NFATC2: variants seen among roughly 807,000 people sequenced by gnomAD.
The protein encoded by NFATC2 is nuclear factor of activated T-cells, cytoplasmic 2.
A neutral mutation model predicts 87.3 loss-of-function variants in NFATC2; 22 were observed. That is an observed-to-expected ratio of 0.25 (90% CI 0.18 to 0.36). NFATC2 has a LOEUF of 0.36. Among genes scored for constraint, NFATC2 ranks in the 10% least tolerant of loss-of-function variants. NFATC2 has a pLI of 1.00. For missense variants in NFATC2, 1,149 were observed against 1,259.1 expected (o/e 0.91, Z 1.32); for synonymous variants, 565 against 542.2 (o/e 1.04, Z -0.58).
At chr20:51,527,413 C>T (rs1178547426) in intron 1 of NFATC2, among the ~76,000 whole-genome samples, 1 of 152,158 alleles carries the variant, frequency 6.6e-6, no homozygotes, top group Non-Finnish European at 1.5e-5. Context: ...CTCACAGGCC[C>T]CTGCTGTGTT....
intron 10 of NFATC2, among the ~76,000 whole-genome samples, chr20:51,393,377 C>T (rs567999556): frequency 2.4e-4 from 37 of 152,224 alleles, no homozygotes; most frequent in Non-Finnish European, 4.4e-4. Flanking sequence ...CAGTGCCCAG[C>T]GTTCAGCCAG....
chr20:51,479,002 G>A (rs1194439460), intron 3 of NFATC2, among the ~76,000 whole-genome samples: 5 of 152,150 alleles, frequency 3.3e-5, no homozygotes, highest in African/African-American at 1.2e-4. Context: ...AGAACCAATC[G>A]TTAAACCTAT....
intron 1 of NFATC2, among the ~76,000 whole-genome samples, chr20:51,549,904 C>T (rs1353003119): frequency 2.0e-5 from 3 of 152,190 alleles, no homozygotes; most frequent in Non-Finnish European, 4.4e-5. Flanking sequence ...ATTCTGAATA[C>T]TTTTTGAACA....
chr20:51,538,410 A>G lies in NFATC2; in HGVS notation c.130+3960T>C, dbSNP rs79994747. The stretch of plus-strand genomic sequence containing the variant: ...TCGGGGGAAAAAAGAAAGAACTAAT[A>G]CTTCCTTTACATAATTCATACACCT... On this transcript the variant is annotated intron_variant, in intron 1 of 10. Transcript: ENST00000371564. Among the ~76,000 whole-genome samples the G allele has an allele frequency of 4.8e-3, 730 of 152,332 alleles. 5 individuals are homozygous for G. The highest frequency in any genetic ancestry group is 8.6e-3 in the Non-Finnish European group (585 of 68,024).
At position 51,523,412 on chromosome 20, in the gene NFATC2, G is replaced by T; in HGVS notation, c.829C>A (p.Pro277Thr). The T allele has an allele frequency of 6.2e-7, 1 of 1,608,942 alleles. No individual in the cohort carries two copies. The highest frequency in any genetic ancestry group is 8.5e-7 in the Non-Finnish European group (1 of 1,177,448). ...GGTGCCACGTGAGATGAGGGCTGCG[G>T]CGAGGGGCTCCGGGAGCGCTGGGGT... ...ASPQRSRSPS[P>T]QPSSHVAPQD... is the part of the protein sequence containing the mutation. The change falls in exon 2 of 11, where the codon CCG becomes ACG. Residue 277 changes from proline (P) to threonine (T), a missense_variant. Pro to Thr is a conservative substitution (Grantham distance 38). Coordinates refer to ENST00000371564, the MANE Select transcript of NFATC2 (RefSeq NM_012340.5). The surrounding 1 kb of genome is among the most constrained non-coding windows in gnomAD (Gnocchi z 6.9).
rs1449935830 is a variant in NFATC2, at chr20:51,562,555, G to A, written c.70+5C>T. The A allele has an allele frequency of 6.5e-7, 1 of 1,550,306 alleles. No homozygotes were observed. Among genetic ancestry groups the A allele is most frequent in the South Asian group, 1.2e-5 (1 of 83,890 alleles). ...AAAGGCTGGAAGGGATCGAGAGTCA[G>A]TTACCTTGGTCCACAGACCCCATGA... On this transcript the variant is annotated splice_donor_5th_base_variant and intron_variant, in intron 1 of 10. Coordinates refer to the NFATC2 transcript ENST00000414705. The surrounding 1 kb of genome is among the most constrained non-coding windows in gnomAD (Gnocchi z 5.8).
At chr20:51,482,145 G>A (rs981413788) in intron 3 of NFATC2, among the ~76,000 whole-genome samples, 1 of 150,752 alleles carries the variant, frequency 6.6e-6, no homozygotes, top group Admixed American at 6.6e-5. Context: ...TCTGGCCTAT[G>A]CATTTTAAGA....
At position 51,523,784 on chromosome 20, in the gene NFATC2, G is replaced by A. The variant is rs1190484494; in HGVS notation, c.457C>T (p.Leu153=). The change falls in exon 2 of 11, where the codon CTG becomes TTG. Residue 153 remains leucine, a synonymous_variant. Coordinates refer to ENST00000371564, the MANE Select transcript of NFATC2 (RefSeq NM_012340.5). This position sits in a 1 kb window ranked among gnomAD's most constrained non-coding sequence, Gnocchi z 6.9. ...TAGCCCTCGAAGCCGGGCACGGGCA[G>A]GGTGAACCTCGGGCTGGCGGCCACC... The part of the protein sequence containing the change: ...AGVAASPRFT[L]PVPGFEGYRE... 6.2e-7 allele frequency: 1 copy of A among 1,609,570 alleles called. No individual in the cohort carries two copies. The highest frequency in any genetic ancestry group is 1.1e-5 in the South Asian group (1 of 90,878).
intron 4 of NFATC2, among the ~76,000 whole-genome samples, chr20:51,474,411 C>G (rs1185225868): frequency 2.0e-5 from 3 of 152,158 alleles, no homozygotes; most frequent in Non-Finnish European, 4.4e-5. Context: ...CTGAAAAACT[C>G]TATGTAACTG....
rs779942514 is a variant in NFATC2 at position 51,454,652 on chromosome 20, C to A, written c.1745G>T (p.Arg582Ile). 3 of 1,613,968 alleles carry A rather than the reference C, an allele frequency of 1.9e-6. No homozygotes were observed. The African/African-American group carries it at 4.0e-5, about 22-fold the overall frequency. The change falls in exon 6 of 11, where the codon AGA (arginine) becomes ATA (isoleucine). Residue 582 changes from arginine (R) to isoleucine (I), a missense_variant. This residue lies in a region of NFATC2 where 581 missense variants were observed against 649.7 expected (regional missense o/e 0.89). Transcript: ENST00000371564. ...GACCAGGCAGCTGTCTGTGTCTTGT[C>A]TTTCAACCATGGGCAGCTCGTGAGC... Reference protein sequence around the residue: ...RSAHELPMVERQDTDSCLVYG... With the variant: ...RSAHELPMVEIQDTDSCLVYG...
chr20:51,520,860 A>G (rs2076433570), intron 2 of NFATC2, among the ~76,000 whole-genome samples: 1 of 151,852 alleles, frequency 6.6e-6, no homozygotes, highest in Admixed American at 6.6e-5. Context: ...GGGTTTCTCC[A>G]TGTCGGTCAG....
intron 9 of NFATC2, among the ~76,000 whole-genome samples, chr20:51,399,997 C>A (rs1174009456): frequency 6.6e-6 from 1 of 152,222 alleles, no homozygotes; most frequent in East Asian, 1.9e-4. Flanking sequence ...CTCCCCGTGT[C>A]TCACCTGTTC....
chr20:51,542,782 G>GCGGCCAGGC (rs2076847224), upstream of NFATC2: 1 of 736,122 alleles, frequency 1.4e-6, no homozygotes, highest in Non-Finnish European at 1.6e-6. Context: ...CGGGGACAGG[G>GCGGCCAGGC]CGGCCAGGCC....
intron 2 of NFATC2, among the ~76,000 whole-genome samples, chr20:51,522,452 T>C (rs960821746): frequency 3.9e-5 from 6 of 152,124 alleles, no homozygotes; most frequent in Non-Finnish European, 7.4e-5. Context: ...ACTCAGGTAG[T>C]GAGTGGCGGA....
At chr20:51,516,690 C>G in intron 3 of NFATC2, 94 bp downstream of exon 3, 1 of 1,353,948 alleles carries the variant, frequency 7.4e-7, no homozygotes, top group Non-Finnish European at 1.0e-6. Context: ...GAGACACATA[C>G]CTCACCTTAA....
intron 3 of NFATC2, among the ~76,000 whole-genome samples, chr20:51,495,479 C>T (rs1363408721): frequency 6.6e-6 from 1 of 152,216 alleles, no homozygotes; most frequent in Non-Finnish European, 1.5e-5. Context: ...GTGAGGGGGA[C>T]ACATTCCATC....
chr20:51,524,576 G>A lies in NFATC2; in HGVS notation c.131-466C>T, dbSNP rs2076512714. On this transcript the variant is annotated intron_variant, in intron 1 of 10. Transcript: ENST00000371564. The surrounding 1 kb of genome is among the most constrained non-coding windows in gnomAD (Gnocchi z 4.0). The stretch of plus-strand genomic sequence containing the variant: ...CTAACCCGTCTGCGCGGTAGGTCAT[G>A]ACCCCTAGTTTGAAAAGCACCTATC... 6.6e-6 allele frequency among the ~76,000 whole-genome samples: 1 copy of A among 152,052 alleles called. No individual in the cohort carries two copies. Among genetic ancestry groups the A allele is most frequent in the African/African-American group, 2.4e-5 (1 of 41,384 alleles).
upstream of NFATC2, among the ~76,000 whole-genome samples, chr20:51,543,677 C>A (rs1432718208): frequency 2.0e-5 from 3 of 152,152 alleles, no homozygotes; most frequent in Admixed American, 2.0e-4. Context: ...GCTTCTGATT[C>A]CATAAGTCTG....
intron 3 of NFATC2, among the ~76,000 whole-genome samples, chr20:51,509,658 C>T (rs2076241171): frequency 1.3e-5 from 2 of 152,234 alleles, no homozygotes; most frequent in African/African-American, 4.8e-5. Context: ...CTAACACACC[C>T]AGCCAACTGC....
Sources: allele counts gnomAD v4.1 joint callset (sites outside exome capture counted in the v4.1 genomes callset), GRCh38; gene constraint gnomAD v4.1.1; regional missense constraint gnomAD v4.1.1; non-coding constraint Gnocchi (gnomAD v3.1); transcripts MANE v1.5; gene names NCBI Gene and HGNC (gene_info 2026-07-23, HGNC 2026-07-21).